Variants in ATF7IP2 observed in about 807,000 individuals in gnomAD.
ATF7IP2 encodes the protein activating transcription factor 7 interacting protein 2.
Under a neutral mutation model 64.2 loss-of-function variants are expected in ATF7IP2, and 42 were observed. The ratio of observed to expected loss-of-function variants is 0.65; its 90% confidence interval spans 0.51 to 0.85. The LOEUF (loss-of-function observed/expected upper bound fraction) is 0.85. ATF7IP2 is among the 40% of genes least tolerant of loss of function. ATF7IP2 has a pLI of 0.00. For synonymous variants in ATF7IP2, 308 were observed against 272.8 expected (o/e 1.13, Z -1.27); for missense variants, 933 against 784.2 (o/e 1.19, Z -2.27).
At chr16:10,456,621 C>A (rs1189590464) in intron 8 of ATF7IP2, among the ~76,000 whole-genome samples, 1 of 152,176 alleles carries the variant, frequency 6.6e-6, no homozygotes, top group African/African-American at 2.4e-5. Flanking sequence ...CCACCTCAAT[C>A]CCCAGTGCCA....
chr16:10,453,096 TTC>T (rs2049042614), intron 8 of ATF7IP2, among the ~76,000 whole-genome samples: 1 of 152,098 alleles, frequency 6.6e-6, no homozygotes, highest in South Asian at 2.1e-4. Flanking sequence ...GAGTGAACGG[TTC>T]TCTCTCACTG....
chr16:10,391,192 A>G (rs1368588436), intron 1 of ATF7IP2, among the ~76,000 whole-genome samples: 1 of 150,306 alleles, frequency 6.7e-6, no homozygotes, highest in Non-Finnish European at 1.5e-5. Context: ...GTGGGGGCTC[A>G]CACCTGTAAT....
intron 12 of ATF7IP2, among the ~76,000 whole-genome samples, chr16:10,475,611 C>T (rs1287252208): frequency 7.4e-5 from 11 of 148,160 alleles, no homozygotes; most frequent in East Asian, 2.0e-4. Flanking sequence ...GAGAATGGCG[C>T]GAACCCGGGA....
chr16:10,482,258 T>G lies in ATF7IP2; in HGVS notation c.*9T>G, dbSNP rs754095782. The G allele has an allele frequency of 6.5e-7, 1 of 1,533,350 alleles. No individual in the cohort carries two copies. Among genetic ancestry groups the G allele is most frequent in the African/African-American group, 1.4e-5 (1 of 71,950 alleles). 95.0% of individuals were successfully genotyped at this position (1,533,350 alleles called of 1,614,324 possible). On this transcript the variant is annotated 3_prime_UTR_variant, in exon 14 of 14. Coordinates refer to ENST00000562102, the MANE Select transcript of ATF7IP2 (RefSeq NM_001393719.1). ...CTGAAAATCTTACGTAAAAGGTGTT[T>G]AATAATGATATACTACTTTTTTTTT...
chr16:10,400,016 A>G (rs1186384991), intron 1 of ATF7IP2, among the ~76,000 whole-genome samples: 2 of 152,084 alleles, frequency 1.3e-5, no homozygotes, highest in African/African-American at 4.8e-5. Flanking sequence ...TAGAAATGCT[A>G]CACATTTTAA....
At chr16:10,413,759 C>G (rs2047817265) in intron 1 of ATF7IP2, among the ~76,000 whole-genome samples, 1 of 152,116 alleles carries the variant, frequency 6.6e-6, no homozygotes, top group Non-Finnish European at 1.5e-5. Flanking sequence ...ATTTGTTTGT[C>G]TGAAAAAGAC....
At chr16:10,471,111 A>G (rs2049783349) in intron 9 of ATF7IP2, among the ~76,000 whole-genome samples, 1 of 152,160 alleles carries the variant, frequency 6.6e-6, no homozygotes, top group African/African-American at 2.4e-5. Context: ...CTTTTCAAAA[A>G]TGTTGCTGGA....
intron 9 of ATF7IP2, among the ~76,000 whole-genome samples, chr16:10,458,109 T>C (rs1000660911): frequency 1.3e-5 from 2 of 152,234 alleles, no homozygotes; most frequent in Non-Finnish European, 2.9e-5. Context: ...CACAGATAAC[T>C]ATGCGTACAC....
chr16:10,393,169 G>A (rs900013708), intron 1 of ATF7IP2, among the ~76,000 whole-genome samples: 3 of 151,908 alleles, frequency 2.0e-5, no homozygotes, highest in African/African-American at 7.3e-5. Flanking sequence ...CATTAGCTGG[G>A]CATGGTGGTG....
intron 10 of ATF7IP2, 57 bp from the exon 11 acceptor site, chr16:10,473,422 T>C (rs759843430): frequency 6.4e-6 from 7 of 1,097,254 alleles, no homozygotes; most frequent in Non-Finnish European, 9.7e-6. Flanking sequence ...GCATTCATAT[T>C]TCACAAAGCC....
At chr16:10,472,355 A>T (rs1417498980) in intron 10 of ATF7IP2, among the ~76,000 whole-genome samples, 172 bp downstream of exon 10, 1 of 152,168 alleles carries the variant, frequency 6.6e-6, no homozygotes, top group Non-Finnish European at 1.5e-5. Flanking sequence ...ATGATTCCTT[A>T]ATGTAATTGA....
chr16:10,409,433 T>C (rs2047707071), intron 1 of ATF7IP2, among the ~76,000 whole-genome samples: 1 of 152,152 alleles, frequency 6.6e-6, no homozygotes, highest in South Asian at 2.1e-4. Context: ...GTAGAAGGGT[T>C]TTTCTGATGT....
intron 8 of ATF7IP2, chr16:10,445,250 A>C (rs1484523975): frequency 1.3e-5 from 2 of 152,150 alleles, no homozygotes. Context: ...TTGGTCTGAT[A>C]ATACCCATTT....
intron 11 of ATF7IP2, 41 bp from the exon 12 acceptor site, chr16:10,473,882 A>G: frequency 8.3e-7 from 1 of 1,210,716 alleles, no homozygotes; most frequent in Non-Finnish European, 1.1e-6. Context: ...ATTTTCAGCT[A>G]TTGAGGCAAA....
In ATF7IP2 at chr16:10,408,286, T is replaced by C. The variant is rs558646992; in HGVS notation, c.-241-6288T>C. Among the ~76,000 whole-genome samples, 12 of 152,386 alleles carry C rather than the reference T, an allele frequency of 7.9e-5. No homozygotes were observed. In the South Asian group the frequency reaches 2.3e-3, roughly 29 times the overall value. On this transcript the variant is annotated intron_variant, in intron 1 of 13. Transcript: ENST00000562102. The stretch of plus-strand genomic sequence containing the variant: ...TCCATATTTCTGCAATTGTGAATTG[T>C]GCTGCTATAAATAAGCCTTTGCAAA...
chr16:10,404,393 C>T (rs2047593298), intron 1 of ATF7IP2, among the ~76,000 whole-genome samples: 1 of 152,152 alleles, frequency 6.6e-6, no homozygotes, highest in South Asian at 2.1e-4. Context: ...GCTGGGATTA[C>T]AGGTGTGTGC....
chr16:10,387,406 T>C (rs2047223733), intron 1 of ATF7IP2: 1 of 152,232 alleles, frequency 6.6e-6, no homozygotes, highest in Non-Finnish European at 1.5e-5. Context: ...ACAGACCACA[T>C]CCTAAGATTG....
Position 10,472,178 on chromosome 16 carries a change from C to T in ATF7IP2, c.1421C>T (p.Pro474Leu). The T allele has an allele frequency of 6.5e-7, 1 of 1,539,952 alleles. No homozygotes were observed. The highest frequency in any genetic ancestry group is 8.9e-7 in the Non-Finnish European group (1 of 1,123,496). ...TTGACAACTCCAATTACATCAAATCCAACAGGTATCTTATAGCTGATTAGA... is the reference window on the plus strand; with the variant it reads ...TTGACAACTCCAATTACATCAAATCTAACAGGTATCTTATAGCTGATTAGA... ...PNLTTPITSN[P>L]TDTRKITSGN... The change falls in exon 10 of 14, where the codon CCA becomes CTA. Residue 474 changes from proline to leucine, a missense_variant. Pro to Leu is a moderately conservative substitution (Grantham distance 98). Transcript: ENST00000562102.
rs770171425 is a variant in ATF7IP2, at chr16:10,440,356, T to C, written c.1096-8T>C. 4 of 1,444,516 alleles carry C rather than the reference T, an allele frequency of 2.8e-6. No homozygotes were observed. Among genetic ancestry groups the C allele is most frequent in the Middle Eastern group, 1.8e-4 (1 of 5,516 alleles). The allele number at this position is 1,444,516 out of a possible 1,614,324, so 89.5% of individuals were successfully genotyped here. On this transcript the variant is annotated splice_region_variant and splice_polypyrimidine_tract_variant and intron_variant, in intron 7 of 13. Transcript: ENST00000562102. ...CTTAGTATTTATTTTTTTCTCTTTT[T>C]CTTCTAGGCAAAAATAGCAAAACTT...
Sources: allele counts gnomAD v4.1 joint callset (sites outside exome capture counted in the v4.1 genomes callset), GRCh38; gene constraint gnomAD v4.1.1; transcripts MANE v1.5; gene names NCBI Gene and HGNC (gene_info 2026-07-23, HGNC 2026-07-21).